Variants in SMIM14 observed in about 807,000 individuals in gnomAD.
SMIM14 encodes small integral membrane protein 14.
In SMIM14, 5 loss-of-function variants were observed where a neutral mutation model predicts 12.6. The observed-to-expected ratio is 0.40, with a 90% CI of 0.21 to 0.83. SMIM14 has a LOEUF of 0.83. Ranked by LOEUF, SMIM14 falls within the 40% of genes least tolerant of loss-of-function variation. The pLI, the probability that SMIM14 is intolerant of heterozygous loss-of-function variation, is 0.37. For synonymous variants in SMIM14, 30 were observed against 40.1 expected, an observed-to-expected ratio of 0.75 and a Z score of 0.95; for missense variants, 86 against 119.1, an observed-to-expected ratio of 0.72 and a Z score of 1.29.
intron 1 of SMIM14, among the ~76,000 whole-genome samples, chr4:39,609,064 C>G (rs1578354161): frequency 6.6e-6 from 1 of 152,100 alleles, no homozygotes; most frequent in African/African-American, 2.4e-5. Flanking sequence ...GAAACCTCCA[C>G]CTCCCGAATT....
intron 3 of SMIM14, 110 bp downstream of exon 3, chr4:39,572,305 T>TTTTAA: frequency 1.1e-5 from 2 of 189,706 alleles, no homozygotes; most frequent in Non-Finnish European, 2.1e-5. Context: ...TTTTTTTTGG[T>TTTTAA]AACCACTAGA....
chr4:39,576,872 C>T (rs143083766), intron 2 of SMIM14, among the ~76,000 whole-genome samples: 3,098 of 149,738 alleles, frequency 0.021, 39 homozygotes, highest in South Asian at 0.036. Flanking sequence ...CCATCACGCC[C>T]GGCTAATTTT....
chr4:39,553,245 T>TACAA (rs1711816628), intron 4 of SMIM14, among the ~76,000 whole-genome samples: 1 of 151,954 alleles, frequency 6.6e-6, no homozygotes, highest in Non-Finnish European at 1.5e-5. Context: ...GTATTTTTAG[T>TACAA]AGAGACAGGG....
intron 3 of SMIM14, among the ~76,000 whole-genome samples, chr4:39,560,682 A>G (rs1204579631): frequency 6.6e-6 from 1 of 151,932 alleles, no homozygotes; most frequent in East Asian, 2.0e-4. Flanking sequence ...CCCACCTTCC[A>G]CTTAACATAT....
intron 3 of SMIM14, among the ~76,000 whole-genome samples, chr4:39,556,855 A>G (rs1376820029): frequency 6.6e-6 from 1 of 152,158 alleles, no homozygotes; most frequent in African/African-American, 2.4e-5. Flanking sequence ...TGGCACAACC[A>G]TAGCTCACTA....
intron 1 of SMIM14, chr4:39,611,999 GA>G: frequency 6.6e-6 from 1 of 151,402 alleles, no homozygotes; most frequent in Middle Eastern, 3.4e-3. Context: ...GTGAGAATTG[GA>G]AAGGGAGATG....
Position 39,592,566 on chromosome 4 carries a change from C to T in SMIM14, c.75+12505G>A, listed in dbSNP as rs7680987. ...GAACAAATCCTACCAATTTATAAAT[C>T]AAGGTAATGAGAAGTTTTATTAAGA... On this transcript the variant is annotated intron_variant, in intron 2 of 4. Coordinates refer to ENST00000295958, the MANE Select transcript of SMIM14 (RefSeq NM_174921.3). The T allele has an allele frequency of 1.4e-3, 216 of 152,060 alleles. 1 individual carries two copies. Among genetic ancestry groups the T allele is most frequent in the African/African-American group, 5.1e-3 (210 of 41,484 alleles). 9.4% of individuals were successfully genotyped at this position (152,060 alleles called of 1,614,324 possible).
chr4:39,628,730 TTTTTTC>T (rs1437902430), intron 1 of SMIM14, among the ~76,000 whole-genome samples: 3 of 149,598 alleles, frequency 2.0e-5, no homozygotes, highest in Non-Finnish European at 4.5e-5. Context: ...CTTTTTTTTT[TTTTTTC>T]TTTTTTCTTT....
chr4:39,598,391 C>T (rs1025042890), intron 2 of SMIM14, among the ~76,000 whole-genome samples: 2 of 152,148 alleles, frequency 1.3e-5, no homozygotes, highest in Non-Finnish European at 2.9e-5. Flanking sequence ...CAGAGGCAAC[C>T]ATTTTCAACT....
chr4:39,637,592 C>T (rs1051559505), intron 1 of SMIM14, among the ~76,000 whole-genome samples: 3 of 150,258 alleles, frequency 2.0e-5, no homozygotes, highest in African/African-American at 4.9e-5. Context: ...TCTTAAACAC[C>T]ACGTTGGAAA....
At chr4:39,636,955 G>A (rs1716118711) in intron 1 of SMIM14, among the ~76,000 whole-genome samples, 1 of 152,204 alleles carries the variant, frequency 6.6e-6, no homozygotes, top group Admixed American at 6.5e-5. Context: ...GGAAACCCCT[G>A]AAAGTGAAAC....
In SMIM14 at chr4:39,548,214, T is replaced by A. The variant is rs1430863029; in HGVS notation, c.*3912A>T. On this transcript the variant is annotated 3_prime_UTR_variant, in exon 5 of 5. Transcript: ENST00000295958. ...GCCACCGTGCCCAGCCTGAAAAAAA[T>A]CTTTTACTAGAAACAGTTCCAATGT... The A allele has an allele frequency of 2.1e-5, 3 of 143,918 alleles. No homozygotes were observed. The highest frequency in any genetic ancestry group is 7.8e-5 in the African/African-American group (3 of 38,472). The allele number at this position is 143,918 out of a possible 1,614,324, so 8.9% of individuals were successfully genotyped here. A position where few individuals can be genotyped will look rare whatever the true frequency, so the allele number is the denominator to read the frequency against.
chr4:39,597,457 T>C (rs1714417238), intron 2 of SMIM14, among the ~76,000 whole-genome samples: 1 of 148,596 alleles, frequency 6.7e-6, no homozygotes, highest in Non-Finnish European at 1.5e-5. Flanking sequence ...TTTTTTTTTT[T>C]TTTGGAGACG....
chr4:39,584,258 G>T (rs2110026876), intron 2 of SMIM14, among the ~76,000 whole-genome samples: 1 of 151,832 alleles, frequency 6.6e-6, no homozygotes, highest in Middle Eastern at 3.4e-3. Flanking sequence ...AAGGCAGGTG[G>T]ATCAGTTGAG....
intron 1 of SMIM14, among the ~76,000 whole-genome samples, chr4:39,619,500 T>C (rs1715364882): frequency 1.1e-5 from 1 of 88,188 alleles, no homozygotes; most frequent in Non-Finnish European, 1.9e-5. Context: ...AAATATAATT[T>C]ATTCTATATC....
chr4:39,554,067 G>A (rs1362608754), intron 4 of SMIM14, among the ~76,000 whole-genome samples: 1 of 152,048 alleles, frequency 6.6e-6, no homozygotes, highest in Non-Finnish European at 1.5e-5. Context: ...TAAAAAATGA[G>A]TCTAACTGAA....
At chr4:39,597,072 G>A (rs114945286) in intron 2 of SMIM14, among the ~76,000 whole-genome samples, 4,253 of 149,696 alleles carry the variant, frequency 0.028, 203 homozygotes, top group African/African-American at 0.097. Flanking sequence ...CACGGTGCCC[G>A]GCCCAGGTTT....
chr4:39,577,354 G>C (rs912362858), intron 2 of SMIM14, among the ~76,000 whole-genome samples: 1 of 151,924 alleles, frequency 6.6e-6, no homozygotes, highest in African/African-American at 2.4e-5. Flanking sequence ...CAGAAAAGCA[G>C]GAGTCAAATT....
chr4:39,556,388 T>C, intron 4 of SMIM14, 40 bp downstream of exon 4: 6 of 1,586,144 alleles, frequency 3.8e-6, no homozygotes, highest in Non-Finnish European at 5.1e-6. Context: ...GCCACATACA[T>C]TCCCTTACCC....
Sources: gnomAD v4.1 joint callset for allele counts (sites outside exome capture counted in the v4.1 genomes callset) on GRCh38, gnomAD v4.1.1 for gene constraint, MANE v1.5 for transcripts, NCBI Gene and HGNC (gene_info 2026-07-23, HGNC 2026-07-21) for gene names.